STARD13: variants seen among roughly 807,000 people sequenced by gnomAD.
STARD13 encodes the protein stAR-related lipid transfer protein 13.
STARD13 carries 62 observed loss-of-function variants against 106.4 expected under a neutral mutation model. That is an observed-to-expected ratio of 0.58 (90% CI 0.48 to 0.72). STARD13 has a LOEUF of 0.72. Ranked by LOEUF, STARD13 falls within the 30% of genes least tolerant of loss-of-function variation. STARD13 has a pLI of 0.00. For synonymous variants in STARD13, 565 were observed against 553.0 expected (o/e 1.02, Z -0.31); for missense variants, 1,387 against 1,424.0 (o/e 0.97, Z 0.42).
chr13:33,335,112 C>T, intron 1 of STARD13: 1 of 152,464 alleles, frequency 6.6e-6, no homozygotes, highest in Non-Finnish European at 1.5e-5. Context: ...TGCCATGGAG[C>T]CCTGGGAAGC....
intron 1 of STARD13, among the ~76,000 whole-genome samples, chr13:33,262,662 A>AACACACACAC (rs1555254805): frequency 2.1e-4 from 24 of 114,980 alleles, no homozygotes; most frequent in African/African-American, 7.5e-4. Flanking sequence ...ACACACACAC[A>AACACACACAC]ACACACACAC....
the STARD13 span, among the ~76,000 whole-genome samples, chr13:33,588,245 T>C: frequency 1.3e-5 from 2 of 152,210 alleles, no homozygotes; most frequent in Non-Finnish European, 2.9e-5. Flanking sequence ...TACCTTCTAA[T>C]AGATTCTCAA....
At chr13:33,125,967 T>A in intron 7 of STARD13, 114 bp downstream of exon 7, 1 of 1,117,684 alleles carries the variant, frequency 8.9e-7, no homozygotes, top group Admixed American at 2.2e-5. Flanking sequence ...CCTTTTATTT[T>A]TGGTGAGGCA....
chr13:33,669,696 C>T, the STARD13 span, among the ~76,000 whole-genome samples: 8 of 151,950 alleles, frequency 5.3e-5, no homozygotes, highest in South Asian at 4.2e-4. Flanking sequence ...CCACCGCACC[C>T]GGCTAACTTT....
At chr13:33,166,186 T>C (rs771970006) in intron 2 of STARD13, among the ~76,000 whole-genome samples, 15 of 152,196 alleles carry the variant, frequency 9.9e-5, no homozygotes, top group Non-Finnish European at 2.2e-4. Context: ...TAAGGGTATC[T>C]AAATTTTAGC....
chr13:33,481,050 T>G, the STARD13 span, among the ~76,000 whole-genome samples: 1 of 151,914 alleles, frequency 6.6e-6, no homozygotes, highest in African/African-American at 2.4e-5. Flanking sequence ...ATCCATTAGT[T>G]TCTAGTGCCA....
intron 3 of STARD13, among the ~76,000 whole-genome samples, chr13:33,163,731 AAACATATATATAT>A (rs1348241719): frequency 2.2e-4 from 17 of 78,538 alleles, no homozygotes; most frequent in African/African-American, 3.0e-4. Context: ...AACATATATA[AAACATATATATAT>A]AACATATATA....
At chr13:33,277,608 C>T (rs148333152) in intron 1 of STARD13, 1 of 152,110 alleles carries the variant, frequency 6.6e-6, no homozygotes, top group Non-Finnish European at 1.5e-5. Flanking sequence ...GGCAGTGACT[C>T]CACTTCCCAG....
At chr13:33,211,139 T>C (rs1378364224) in intron 1 of STARD13, among the ~76,000 whole-genome samples, 7 of 151,780 alleles carry the variant, frequency 4.6e-5, no homozygotes, top group Admixed American at 2.6e-4. Flanking sequence ...TCAAAGAATA[T>C]CTAACACACT....
the STARD13 span, chr13:33,520,128 G>A: frequency 6.6e-6 from 1 of 152,086 alleles, no homozygotes; most frequent in African/African-American, 2.4e-5. Context: ...TCAAGACAGA[G>A]GAAACATGTG....
At chr13:33,259,482 T>A (rs1025490735) in intron 1 of STARD13, among the ~76,000 whole-genome samples, 11 of 152,188 alleles carry the variant, frequency 7.2e-5, no homozygotes, top group African/African-American at 2.4e-4. Context: ...CATGATCTGA[T>A]GCAATCTCAA....
chr13:33,118,713 T>C (rs1011569704), intron 7 of STARD13, among the ~76,000 whole-genome samples: 1 of 152,168 alleles, frequency 6.6e-6, no homozygotes, highest in Non-Finnish European at 1.5e-5. Context: ...AATGGGAGGT[T>C]TGGTGAAAAC....
chr13:33,492,965 A>C, the STARD13 span, among the ~76,000 whole-genome samples: 1 of 152,196 alleles, frequency 6.6e-6, no homozygotes, highest in Non-Finnish European at 1.5e-5. Context: ...AGTCACTCAA[A>C]TGCTAAGTGC....
chr13:33,584,053 C>T, the STARD13 span, among the ~76,000 whole-genome samples: 12 of 152,316 alleles, frequency 7.9e-5, no homozygotes, highest in African/African-American at 2.6e-4. Context: ...CTATTTTCCA[C>T]AGTGATTGTA....
intron 4 of STARD13, among the ~76,000 whole-genome samples, chr13:33,134,646 A>G (rs1878814429): frequency 6.6e-6 from 1 of 152,250 alleles, no homozygotes; most frequent in Admixed American, 6.5e-5. Context: ...TGATTTATCA[A>G]CAGAACCAAA....
intron 1 of STARD13, among the ~76,000 whole-genome samples, chr13:33,233,241 G>A (rs556297518): frequency 2.4e-4 from 37 of 152,308 alleles, no homozygotes; most frequent in African/African-American, 8.9e-4. Flanking sequence ...TTCCTCTGAT[G>A]GATCCCCACC....
the STARD13 span, chr13:33,658,471 T>C: frequency 6.6e-6 from 1 of 152,214 alleles, no homozygotes; most frequent in Non-Finnish European, 1.5e-5. Flanking sequence ...ATAGATTAGT[T>C]AGTATTTTCC....
At chr13:33,149,061 G>C (rs1346500625) in intron 3 of STARD13, among the ~76,000 whole-genome samples, 1 of 152,136 alleles carries the variant, frequency 6.6e-6, no homozygotes, top group Non-Finnish European at 1.5e-5. Flanking sequence ...GGGGAGAGGA[G>C]GAGTGGAAAG....
the STARD13 span, among the ~76,000 whole-genome samples, chr13:33,464,024 CAT>C: frequency 0.01 from 1,173 of 112,520 alleles, 93 homozygotes; most frequent in East Asian, 0.21. Flanking sequence ...AAAAAAAATA[CAT>C]ATATATATAT....
Sources: allele counts gnomAD v4.1 joint callset (sites outside exome capture counted in the v4.1 genomes callset), GRCh38; gene constraint gnomAD v4.1.1; transcripts MANE v1.5; gene names NCBI Gene and HGNC (gene_info 2026-07-23, HGNC 2026-07-21).